Variants in COL5A1 observed in about 807,000 individuals in gnomAD.
The protein encoded by COL5A1 is collagen alpha-1(V) chain.
A neutral mutation model predicts 263.7 loss-of-function variants in COL5A1; 16 were observed. The observed-to-expected ratio is 0.06, with a 90% confidence interval of 0.04 to 0.09. COL5A1 has a LOEUF of 0.09. Ranked by LOEUF, COL5A1 falls within the 10% of genes least tolerant of loss-of-function variation. The pLI, the probability that COL5A1 is intolerant of heterozygous loss-of-function variation, is 1.00. For missense variants in COL5A1, 2,036 were observed against 2,540.5 expected (o/e 0.80, Z 4.27); for synonymous variants, 1,012 against 1,004.5 (o/e 1.01, Z -0.14).
chr9:134,699,221 G>C (rs1274130934), intron 2 of COL5A1, among the ~76,000 whole-genome samples: 1 of 152,184 alleles, frequency 6.6e-6, no homozygotes, highest in Non-Finnish European at 1.5e-5. Context: ...GGCCAGCCTG[G>C]GTCTGCCTTT....
At chr9:134,768,496 C>A (rs1203108832) in intron 25 of COL5A1, 33 bp downstream of exon 25, 4 of 1,601,824 alleles carry the variant, frequency 2.5e-6, no homozygotes, top group Non-Finnish European at 3.4e-6. Context: ...TCCCTCCATA[C>A]TCTCCCCACC....
chr9:134,729,583 CGT>C (rs1834800195), intron 6 of COL5A1, among the ~76,000 whole-genome samples: 3 of 46,768 alleles, frequency 6.4e-5, no homozygotes, highest in Admixed American at 5.6e-4. Context: ...CGTGTGTGAG[CGT>C]GTGTGCATGC....
chr9:134,800,032 C>A (rs1838050371), intron 37 of COL5A1, among the ~76,000 whole-genome samples: 1 of 152,174 alleles, frequency 6.6e-6, no homozygotes, highest in Non-Finnish European at 1.5e-5. Context: ...AGCATCTCCT[C>A]CATGGGCTAG....
intron 11 of COL5A1, among the ~76,000 whole-genome samples, chr9:134,745,414 T>C (rs1010366686): frequency 2.6e-5 from 4 of 152,152 alleles, no homozygotes; most frequent in Non-Finnish European, 5.9e-5. Flanking sequence ...GGTCAGTTAG[T>C]GGCAATGGCT....
At chr9:134,768,596 G>T in intron 25 of COL5A1, 133 bp downstream of exon 25, 2 of 888,364 alleles carry the variant, frequency 2.3e-6, no homozygotes. Flanking sequence ...ATGAAGACCC[G>T]TTTGGTCTCC....
At chr9:134,766,572 G>A (rs1452155770) in intron 22 of COL5A1, 74 bp downstream of exon 22, 1 of 1,421,996 alleles carries the variant, frequency 7.0e-7, no homozygotes, top group Non-Finnish European at 9.8e-7. Context: ...GGCTAGGGAG[G>A]TCCATCGCTG....
intron 4 of COL5A1, among the ~76,000 whole-genome samples, chr9:134,713,831 G>C (rs574031050): frequency 6.6e-6 from 1 of 152,304 alleles, no homozygotes; most frequent in East Asian, 1.9e-4. Context: ...GTCTGAACCC[G>C]GGACAGAGAA....
At chr9:134,739,243 C>T (rs967987564) in intron 11 of COL5A1, among the ~76,000 whole-genome samples, 5 of 152,230 alleles carry the variant, frequency 3.3e-5, no homozygotes, top group African/African-American at 7.2e-5. Flanking sequence ...GAGGCATCCT[C>T]GGGTGTCCCT....
rs879440722 is a variant in COL5A1, at chr9:134,652,370, C to G, written c.109+10074C>G. On this transcript the variant is annotated intron_variant, in intron 1 of 65. Coordinates refer to ENST00000371817, the MANE Select transcript of COL5A1 (RefSeq NM_000093.5). The surrounding 1 kb of genome is among the most constrained non-coding windows in gnomAD (Gnocchi z 4.4). ...TCTGCTGGGTGGGGCAAGGAGATGC[C>G]CCAGGTGGAGCCATCGGGAGAGGGA... Among the ~76,000 whole-genome samples the G allele has an allele frequency of 6.0e-5, 9 of 151,016 alleles. No homozygotes were observed. The highest frequency in any genetic ancestry group is 8.9e-5 in the Non-Finnish European group (6 of 67,740).
In COL5A1 at chr9:134,844,447, A is replaced by AGTT. The variant is rs1308969264; in HGVS notation, c.*2148_*2150dup. ...TTTTCTTCCTCTGTGGTCCCTTCAA[A>AGTT]GTTGTTATAATTTGTACTGAACTTC... On this transcript the variant is annotated 3_prime_UTR_variant, in exon 66 of 66. Coordinates refer to ENST00000371817, the MANE Select transcript of COL5A1 (RefSeq NM_000093.5). 6.6e-6 allele frequency: 1 copy of AGTT among 152,526 alleles called. No individual in the cohort carries two copies. The highest frequency in any genetic ancestry group is 2.4e-5 in the African/African-American group (1 of 41,404). 9.4% of individuals were successfully genotyped at this position (152,526 alleles called of 1,614,324 possible). A position where few individuals can be genotyped will look rare whatever the true frequency, so the allele number is the denominator to read the frequency against.
chr9:134,778,053 A>C (rs1327405408), intron 27 of COL5A1, among the ~76,000 whole-genome samples: 1 of 152,064 alleles, frequency 6.6e-6, no homozygotes, highest in African/African-American at 2.4e-5. Flanking sequence ...TCTCCTAAAA[A>C]GCCCTTCTTG....
chr9:134,813,860 C>G, intron 48 of COL5A1, 123 bp from the exon 49 acceptor site: 2 of 1,042,890 alleles, frequency 1.9e-6, no homozygotes, highest in South Asian at 2.7e-5. Flanking sequence ...CCCAGAAACC[C>G]CTGGGTCCTG....
intron 11 of COL5A1, among the ~76,000 whole-genome samples, chr9:134,746,478 C>G (rs986117976): frequency 1.3e-5 from 2 of 152,256 alleles, no homozygotes; most frequent in Non-Finnish European, 2.9e-5. Context: ...AGCCGAGGGT[C>G]TCGTGGGGAC....
Position 134,699,972 on chromosome 9 carries a change from C to A in COL5A1, c.341C>A (p.Ala114Asp), listed in dbSNP as rs147589613. 8.6e-4 allele frequency: 1,385 copies of A among 1,613,828 alleles called. No homozygotes were observed. The highest frequency in any genetic ancestry group is 1.1e-3 in the Non-Finnish European group (1,277 of 1,180,042). The part of the protein sequence containing the change: ...TTVKAKKGSQ[A>D]FLVSIYNEQG... ...GTGAAAGCCAAGAAAGGCAGCCAGG[C>A]CTTCCTGGTCTCCATCTACAACGAG... The change falls in exon 3 of 66, where the codon GCC becomes GAC. Residue 114 changes from alanine (A) to aspartate (D), a missense_variant. Transcript: ENST00000371817.
intron 48 of COL5A1, among the ~76,000 whole-genome samples, chr9:134,813,111 C>T (rs1171551185): frequency 6.6e-6 from 1 of 151,856 alleles, no homozygotes; most frequent in Non-Finnish European, 1.5e-5. Context: ...CCATTTCAGC[C>T]GAATTATTTT....
chr9:134,822,825 G>A, intron 59 of COL5A1, 173 bp from the exon 60 acceptor site: 1 of 776,994 alleles, frequency 1.3e-6, no homozygotes, highest in Non-Finnish European at 2.2e-6. Flanking sequence ...GTGAGCACCA[G>A]CCAGGCCCCG....
At chr9:134,751,438 G>A (rs374325753) in intron 13 of COL5A1, among the ~76,000 whole-genome samples, 83 of 152,334 alleles carry the variant, frequency 5.4e-4, no homozygotes, top group Middle Eastern at 3.4e-3. Flanking sequence ...GGAAACCCAC[G>A]TGGCTCCTGG....
chr9:134,647,667 G>A lies in COL5A1; in HGVS notation c.109+5371G>A, dbSNP rs1209060682. Among the ~76,000 whole-genome samples the A allele has an allele frequency of 2.6e-5, 4 of 152,192 alleles. No homozygotes were observed. Among genetic ancestry groups the A allele is most frequent in the Non-Finnish European group, 2.9e-5 (2 of 68,034 alleles). ...GGCACGTGGAACCTGCCGGTTGAGC[G>A]TGAGGCTGTGGGTTCTGCCGCAGGG... On this transcript the variant is annotated intron_variant, in intron 1 of 65. Transcript: ENST00000371817. The surrounding 1 kb of genome is among the most constrained non-coding windows in gnomAD (Gnocchi z 5.0).
chr9:134,823,254 G>T (rs1280429971), intron 60 of COL5A1, among the ~76,000 whole-genome samples, 162 bp from the exon 61 acceptor site: 2 of 152,222 alleles, frequency 1.3e-5, no homozygotes, highest in African/African-American at 4.8e-5. Context: ...TCATCTCAAG[G>T]ATCCAGGAGG....
Sources: allele counts gnomAD v4.1 joint callset (sites outside exome capture counted in the v4.1 genomes callset), GRCh38; gene constraint gnomAD v4.1.1; non-coding constraint Gnocchi (gnomAD v3.1); transcripts MANE v1.5; gene names NCBI Gene and HGNC (gene_info 2026-07-23, HGNC 2026-07-21).